The following RAPGEF5 variants were observed in gnomAD, a reference collection of about 807,000 sequenced individuals.
The protein encoded by RAPGEF5 is Rap guanine nucleotide exchange factor 5.
A neutral mutation model predicts 125.2 loss-of-function variants in RAPGEF5; 65 were observed. The observed-to-expected ratio is 0.52, with a 90% CI of 0.43 to 0.64. The LOEUF is 0.64. Among genes scored for constraint, RAPGEF5 ranks in the 30% least tolerant of loss-of-function variants. RAPGEF5 has a pLI of 0.00. For synonymous variants in RAPGEF5, 391 were observed against 385.9 expected, an observed-to-expected ratio of 1.01 and a Z score of -0.16; for missense variants, 958 against 1,048.1, an observed-to-expected ratio of 0.91 and a Z score of 1.19.
intron 7 of RAPGEF5, among the ~76,000 whole-genome samples, chr7:22,236,817 A>G (rs979113917): frequency 1.3e-5 from 2 of 152,176 alleles, no homozygotes; most frequent in African/African-American, 2.4e-5. Context: ...ATAAATACCA[A>G]TTCAGGCTCC....
intron 8 of RAPGEF5, among the ~76,000 whole-genome samples, chr7:22,224,823 T>C (rs1347392768): frequency 6.9e-6 from 1 of 145,814 alleles, no homozygotes; most frequent in Non-Finnish European, 1.5e-5. Context: ...CCAAGTACAG[T>C]GTTTTGGTTT....
Position 22,308,367 on chromosome 7 carries a change from T to C in RAPGEF5, c.652A>G (p.Ile218Val). ...VKLLLQLVPLIPARGGICELS... is the reference protein window; with the variant it reads ...VKLLLQLVPLVPARGGICELS... ...TCACAGATGCCACCTCTGGCAGGAATGAGAGGCACAAGTTGCAGTAAAAGC... is the reference window on the plus strand; with the variant it reads ...TCACAGATGCCACCTCTGGCAGGAACGAGAGGCACAAGTTGCAGTAAAAGC... Residue 218 changes from isoleucine to valine, a missense_variant, in exon 5 of 26, where the codon ATT becomes GTT. Coordinates refer to ENST00000665637, the MANE Select transcript of RAPGEF5 (RefSeq NM_012294.5). 1.9e-6 allele frequency: 3 copies of C among 1,589,950 alleles called. No homozygotes were observed. The highest frequency in any genetic ancestry group is 2.6e-6 in the Non-Finnish European group (3 of 1,166,888).
chr7:22,140,125 A>G lies in RAPGEF5; in HGVS notation c.2187-10T>C. 1.3e-6 allele frequency: 2 copies of G among 1,547,306 alleles called. No individual in the cohort carries two copies. Among genetic ancestry groups the G allele is most frequent in the Non-Finnish European group, 1.8e-6 (2 of 1,142,370 alleles). ...TCTCTGGGCTTTGCAGCTATAAAAT[A>G]AAAGAGAGTAGAGGACACTTTGAGG... On this transcript the variant is annotated splice_polypyrimidine_tract_variant and intron_variant, in intron 20 of 25. Coordinates refer to ENST00000665637, the MANE Select transcript of RAPGEF5 (RefSeq NM_012294.5).
intron 11 of RAPGEF5, among the ~76,000 whole-genome samples, chr7:22,174,153 T>C (rs1185877843): frequency 2.0e-5 from 3 of 152,140 alleles, no homozygotes; most frequent in Admixed American, 2.0e-4. Flanking sequence ...AGATAAATAC[T>C]ACCTATTATT....
chr7:22,315,579 T>A (rs1783572725), intron 2 of RAPGEF5, 103 bp from the exon 3 acceptor site: 1 of 637,908 alleles, frequency 1.6e-6, no homozygotes, highest in Non-Finnish European at 2.0e-6. Context: ...TTATATATAT[T>A]CATATATTTA....
chr7:22,340,150 G>C (rs888883589), intron 1 of RAPGEF5, among the ~76,000 whole-genome samples: 1 of 152,188 alleles, frequency 6.6e-6, no homozygotes, highest in Non-Finnish European at 1.5e-5. Flanking sequence ...GCTGGGGCCA[G>C]GCAAACTGAT....
intron 5 of RAPGEF5, among the ~76,000 whole-genome samples, chr7:22,306,742 ATAGGGG>A (rs770623664): frequency 3.3e-5 from 5 of 152,066 alleles, no homozygotes; most frequent in African/African-American, 4.8e-5. Context: ...ATGGTGAGAG[ATAGGGG>A]TCTAGTTTCA....
At chr7:22,211,963 CTTTTTTTTTT>C (rs749576250) in intron 9 of RAPGEF5, among the ~76,000 whole-genome samples, 3 of 114,358 alleles carry the variant, frequency 2.6e-5, no homozygotes, top group African/African-American at 1.0e-4. Context: ...CATGTGTTCT[CTTTTTTTTTT>C]TTTTTTTTTT....
chr7:22,218,833 C>T (rs1785705405), intron 9 of RAPGEF5, among the ~76,000 whole-genome samples: 1 of 152,196 alleles, frequency 6.6e-6, no homozygotes, highest in East Asian at 1.9e-4. Flanking sequence ...AATCACAACG[C>T]TTTGAAACTG....
At chr7:22,193,848 G>A in intron 10 of RAPGEF5, 67 bp downstream of exon 10, 1 of 1,611,842 alleles carries the variant, frequency 6.2e-7, no homozygotes, top group East Asian at 2.2e-5. Context: ...TGGAGCAAGG[G>A]AAGGGAAGGC....
At chr7:22,326,087 T>C (rs1304266569) in intron 1 of RAPGEF5, among the ~76,000 whole-genome samples, 1 of 152,222 alleles carries the variant, frequency 6.6e-6, no homozygotes, top group Non-Finnish European at 1.5e-5. Context: ...TATAAACTAC[T>C]GTCTTAAATG....
intron 7 of RAPGEF5, among the ~76,000 whole-genome samples, chr7:22,255,075 T>A (rs1786722789): frequency 6.6e-6 from 1 of 152,134 alleles, no homozygotes; most frequent in Non-Finnish European, 1.5e-5. Context: ...TTCACTGTCA[T>A]GGCAAATAAG....
rs191394736 is a variant in RAPGEF5, at chr7:22,264,245, T to C, written c.796+2719A>G. On this transcript the variant is annotated intron_variant, in intron 7 of 25. Transcript: ENST00000665637. ...CCAGTCATATAAACCTATTGGATTA[T>C]AGAGTTACTGGAATATACTGAACAA... is the stretch of plus-strand genomic sequence containing the variant. Among the ~76,000 whole-genome samples, 96 of 152,334 alleles carry C rather than the reference T, an allele frequency of 6.3e-4. 1 individual carries two copies. In the South Asian group the frequency reaches 6.9e-3, roughly 11 times the overall value.
intron 6 of RAPGEF5, among the ~76,000 whole-genome samples, chr7:22,280,992 TAA>T (rs1782661712): frequency 6.6e-6 from 1 of 152,200 alleles, no homozygotes; most frequent in South Asian, 2.1e-4. Flanking sequence ...CTTCTGACTT[TAA>T]GAGTGGTTCC....
At chr7:22,333,705 G>A (rs1232580854) in intron 1 of RAPGEF5, among the ~76,000 whole-genome samples, 2 of 152,210 alleles carry the variant, frequency 1.3e-5, no homozygotes, top group Non-Finnish European at 2.9e-5. Flanking sequence ...TGGGATTTGC[G>A]CGCAGGCACA....
intron 20 of RAPGEF5, among the ~76,000 whole-genome samples, chr7:22,141,096 T>C (rs1373468133): frequency 7.0e-6 from 1 of 143,574 alleles, no homozygotes; most frequent in Non-Finnish European, 1.5e-5. Context: ...TCTTGCCTGC[T>C]TCTTCAGTTA....
intron 14 of RAPGEF5, 130 bp downstream of exon 14, chr7:22,160,388 A>C (rs1783948999): frequency 6.3e-6 from 5 of 793,778 alleles, no homozygotes; most frequent in South Asian, 5.7e-5. Context: ...CTACTAGAAA[A>C]GCTAAGGCAT....
chr7:22,207,606 C>A (rs987230646), intron 9 of RAPGEF5, among the ~76,000 whole-genome samples: 9 of 152,150 alleles, frequency 5.9e-5, no homozygotes, highest in Admixed American at 2.0e-4. Context: ...AATTCTTTAA[C>A]AGAAATGTGC....
In RAPGEF5 at chr7:22,190,954, G is replaced by A. The variant is rs76607956; in HGVS notation, c.1204+2413C>T. On this transcript the variant is annotated intron_variant, in intron 11 of 25. Transcript: ENST00000665637. ...ATGGCTCCATCTCCGTAAAAGGGGC[G>A]CTCAAGAACATAAAAATGCTGCTGT... 5.6e-3 allele frequency among the ~76,000 whole-genome samples: 848 copies of A among 152,158 alleles called. 7 individuals are homozygous for A. Among genetic ancestry groups the A allele is most frequent in the African/African-American group, 0.019 (806 of 41,496 alleles).
Sources: gnomAD v4.1 joint callset for allele counts (sites outside exome capture counted in the v4.1 genomes callset) on GRCh38, gnomAD v4.1.1 for gene constraint, MANE v1.5 for transcripts, NCBI Gene and HGNC (gene_info 2026-07-23, HGNC 2026-07-21) for gene names.